TCEANC: variants seen among roughly 807,000 people sequenced by gnomAD.
TCEANC encodes the protein transcription elongation factor A N-terminal and central domain-containing protein.
TCEANC carries 8 observed loss-of-function variants against 8.7 expected under a neutral mutation model. The ratio of observed to expected loss-of-function variants is 0.92; its 90% CI spans 0.54 to 1.65. The LOEUF (loss-of-function observed/expected upper bound fraction) is 1.65. Ranked by LOEUF, TCEANC falls within the 40% of genes most tolerant of loss-of-function variation. TCEANC has a pLI of 0.00. For synonymous variants in TCEANC, 78 were observed against 92.9 expected, an observed-to-expected ratio of 0.84 and a Z score of 0.92; for missense variants, 255 against 251.9, an observed-to-expected ratio of 1.01 and a Z score of -0.08.
At chrX:13,654,918 C>T (rs952146366), upstream of TCEANC, among the ~76,000 whole-genome samples, 1 of 110,717 alleles carries the variant, frequency 9.0e-6, no homozygotes, top group Admixed American at 9.7e-5. Context: ...GAACTAGAAT[C>T]GAGATGGGCT....
chrX:13,653,838 T>C (rs116362042), upstream of TCEANC, among the ~76,000 whole-genome samples: 5,140 of 112,071 alleles, frequency 0.046, 189 homozygotes, highest in African/African-American at 0.13. Context: ...TGCACCTTGC[T>C]TACTATAATA....
rs757100624 is a variant in TCEANC at position 13,663,349 on chromosome X, C to T, written c.841C>T (p.His281Tyr). Residue 281 changes from histidine to tyrosine, a missense_variant, in exon 2 of 2, where the codon CAT (histidine) becomes TAT (tyrosine). Physicochemically the swap from His to Tyr is moderately conservative, Grantham distance 83 (BLOSUM62 2). Transcript: ENST00000380600. The stretch of plus-strand genomic sequence containing the variant: ...CTACACGGAATCTTGTATCCAGGAA[C>T]ATTACCTTCCCCAAGTAATTGATGG... 8 of 1,193,878 alleles carry T rather than the reference C, an allele frequency of 6.7e-6. No individual in the cohort carries two copies. The African/African-American group carries it at 1.1e-4, about 16-fold the overall frequency.
At chrX:13,663,550 T>G (rs2146730437) in exon 2 of TCEANC, 1 of 1,144,389 alleles carries the variant, frequency 8.7e-7, no homozygotes, top group Non-Finnish European at 1.2e-6. Context: ...CCATAGCAAG[T>G]GGGTGTGCTG....
At chrX:13,658,230 T>C (rs2045939238) in intron 1 of TCEANC, among the ~76,000 whole-genome samples, 1 of 112,181 alleles carries the variant, frequency 8.9e-6, no homozygotes, top group Admixed American at 9.5e-5. Flanking sequence ...ATAAATCTTC[T>C]AAAGTTGATT....
intron 1 of TCEANC, among the ~76,000 whole-genome samples, chrX:13,661,474 T>C (rs774136478): frequency 2.8e-4 from 31 of 112,498 alleles, no homozygotes; most frequent in African/African-American, 1.0e-3. Flanking sequence ...GCGTGAATTC[T>C]CTCTCTAAAC....
exon 2 of TCEANC, chrX:13,664,316 C>T (rs904453669): frequency 2.4e-5 from 3 of 122,985 alleles, no homozygotes; most frequent in South Asian, 3.8e-4. Context: ...GGCTCAATAT[C>T]GACTTCTGAG....
exon 2 of TCEANC, chrX:13,665,084 T>G (rs1397363654): frequency 8.1e-6 from 1 of 123,977 alleles, no homozygotes; most frequent in Non-Finnish European, 1.9e-5. Context: ...GTCGGCTCAA[T>G]GCCATCAAGT....
chrX:13,662,150 A>G (rs929892717), intron 1 of TCEANC, among the ~76,000 whole-genome samples: 1 of 111,723 alleles, frequency 9.0e-6, no homozygotes, highest in African/African-American at 3.3e-5. Flanking sequence ...CTCCAACATG[A>G]CCACCGGATT....
chrX:13,660,945 T>C (rs527261575), intron 1 of TCEANC, among the ~76,000 whole-genome samples, 86 bp from the exon 4 acceptor site: 6 of 111,796 alleles, frequency 5.4e-5, no homozygotes, highest in African/African-American at 2.0e-4. Flanking sequence ...TCCAGGTTCA[T>C]GCCATTCTCC....
chrX:13,656,007 C>G (rs892242851), intron 1 of TCEANC, among the ~76,000 whole-genome samples: 3 of 112,705 alleles, frequency 2.7e-5, no homozygotes, highest in Non-Finnish European at 3.8e-5. Flanking sequence ...GAGTATCTTT[C>G]TGAGATCTGT....
At chrX:13,664,934 C>T (rs950466920) in exon 2 of TCEANC, 1 of 123,544 alleles carries the variant, frequency 8.1e-6, no homozygotes, top group Non-Finnish European at 1.9e-5. Context: ...TTCACTTTCT[C>T]ACCAGTTCTT....
At chrX:13,663,192 T>G (rs776632013) in exon 2 of TCEANC, 1 of 1,205,445 alleles carries the variant, frequency 8.3e-7, no homozygotes, top group African/African-American at 1.8e-5. Flanking sequence ...GAAGCAAAGT[T>G]GCCAATTTGA....
exon 2 of TCEANC, chrX:13,663,737 G>A (rs2045991746): frequency 2.2e-6 from 1 of 452,171 alleles, no homozygotes; most frequent in Non-Finnish European, 3.7e-6. Flanking sequence ...TTTGGGGAGA[G>A]GGAGTGGATG....
exon 2 of TCEANC, chrX:13,663,987 G>A (rs1031811211): frequency 7.8e-6 from 1 of 128,440 alleles, no homozygotes; most frequent in African/African-American, 3.2e-5. Flanking sequence ...AAAATCATCT[G>A]GGAAGCTTTG....
At chrX:13,662,784 A>G (rs1301757816) in exon 2 of TCEANC, 2 of 1,211,199 alleles carry the variant, frequency 1.7e-6, no homozygotes, top group Non-Finnish European at 2.2e-6. Flanking sequence ...GCCCTAAATT[A>G]TTTCCTGTGA....
chrX:13,653,852 G>A (rs2045902859), upstream of TCEANC, among the ~76,000 whole-genome samples: 1 of 111,607 alleles, frequency 9.0e-6, no homozygotes, highest in Admixed American at 9.5e-5. Context: ...TATAATATTA[G>A]CTAATCTTTA....
In TCEANC at chrX:13,663,561, G is replaced by A. The variant is rs772759308; in HGVS notation, c.1053G>A (p.Trp351Ter). Reference sequence around the variant, plus strand: ...GGTACCATAGCAAGTGGGTGTGCTGGTAACTGTAAATCAGTGTTCTCTTAA... The same window carrying A: ...GGTACCATAGCAAGTGGGTGTGCTGATAACTGTAAATCAGTGTTCTCTTAA... Residue 351 changes from tryptophan (W) to a stop codon, truncating the protein, a stop_gained, in exon 2 of 2, where the codon TGG (tryptophan) becomes TGA (stop). Coordinates refer to ENST00000380600, the Ensembl canonical transcript of TCEANC. LOFTEE classifies it high-confidence loss of function. 5.3e-6 allele frequency: 6 copies of A among 1,130,290 alleles called. No individual in the cohort carries two copies. The East Asian group carries it at 1.6e-4, about 31-fold the overall frequency. 93.1% of individuals were successfully genotyped at this position (1,130,290 alleles called of 1,213,427 possible).
At chrX:13,659,605 C>G (rs1226855845) in intron 1 of TCEANC, 47 bp from the exon 3 acceptor site, 1 of 106,273 alleles carries the variant, frequency 9.4e-6, no homozygotes, top group Non-Finnish European at 1.9e-5. Context: ...ATATACAAAA[C>G]ATAAAATTTA....
At chrX:13,660,523 G>C (rs1179191649) in intron 1 of TCEANC, among the ~76,000 whole-genome samples, 1 of 111,980 alleles carries the variant, frequency 8.9e-6, no homozygotes. Context: ...TGCCTGTTTT[G>C]GACATTTCAT....
Sources: gnomAD v4.1 joint callset for allele counts (sites outside exome capture counted in the v4.1 genomes callset) on GRCh38, gnomAD v4.1.1 for gene constraint, MANE v1.5 for transcripts, NCBI Gene and HGNC (gene_info 2026-07-23, HGNC 2026-07-21) for gene names.